FSTL5: variants seen among roughly 807,000 people sequenced by gnomAD.
FSTL5 encodes follistatin-related protein 5.
Under a neutral mutation model 89.1 loss-of-function variants are expected in FSTL5, and 62 were observed. That is an observed-to-expected ratio of 0.70 (90% CI 0.57 to 0.86). The LOEUF (loss-of-function observed/expected upper bound fraction) is 0.86. Ranked by LOEUF, FSTL5 falls within the 40% of genes least tolerant of loss-of-function variation. The probability of loss-of-function intolerance (pLI) is 0.00; values close to 1 mark genes in which losing one functional copy is unlikely to be tolerated. For synonymous variants in FSTL5, 383 were observed against 346.2 expected, an observed-to-expected ratio of 1.11 and a Z score of -1.18; for missense variants, 1,057 against 1,001.6, an observed-to-expected ratio of 1.06 and a Z score of -0.75.
At chr4:161,517,496 T>C (rs1730881972) in intron 10 of FSTL5, among the ~76,000 whole-genome samples, 1 of 152,198 alleles carries the variant, frequency 6.6e-6, no homozygotes, top group Admixed American at 6.5e-5. Context: ...AAACCTTTAC[T>C]AGTGCTTTTT....
At chr4:161,841,753 C>A (rs972719057) in intron 4 of FSTL5, among the ~76,000 whole-genome samples, 1 of 152,090 alleles carries the variant, frequency 6.6e-6, no homozygotes, top group African/African-American at 2.4e-5. Context: ...AGAAAGGTGG[C>A]CCATGTAGTA....
intron 10 of FSTL5, among the ~76,000 whole-genome samples, chr4:161,515,555 A>C (rs1233240353): frequency 1.3e-5 from 2 of 150,932 alleles, no homozygotes; most frequent in African/African-American, 4.9e-5. Flanking sequence ...CATATATGGA[A>C]ATTTATCTGA....
chr4:161,948,982 T>C (rs1012257599), intron 3 of FSTL5, among the ~76,000 whole-genome samples: 11 of 152,104 alleles, frequency 7.2e-5, no homozygotes, highest in Admixed American at 4.6e-4. Context: ...ACATTTACTC[T>C]CCTACAGCTC....
At chr4:161,537,879 G>C (rs1327601677) in intron 10 of FSTL5, among the ~76,000 whole-genome samples, 1 of 152,132 alleles carries the variant, frequency 6.6e-6, no homozygotes, top group Non-Finnish European at 1.5e-5. Context: ...GATTTTGCAA[G>C]AGATATAAAT....
At chr4:161,860,412 T>C (rs937807882) in intron 4 of FSTL5, among the ~76,000 whole-genome samples, 5 of 152,020 alleles carry the variant, frequency 3.3e-5, no homozygotes, top group African/African-American at 1.2e-4. Flanking sequence ...ATTAAGGAGG[T>C]TGGGTGTTAC....
At chr4:161,579,140 A>G (rs1299724632) in intron 8 of FSTL5, among the ~76,000 whole-genome samples, 1 of 152,220 alleles carries the variant, frequency 6.6e-6, no homozygotes, top group East Asian at 1.9e-4. Flanking sequence ...TGTGTGTTTT[A>G]TAACATACGT....
chr4:161,557,931 G>A (rs1732448843), intron 8 of FSTL5, among the ~76,000 whole-genome samples: 1 of 151,710 alleles, frequency 6.6e-6, no homozygotes, highest in African/African-American at 2.4e-5. Flanking sequence ...TCAGTCATGT[G>A]TCGCTTAAAG....
intron 3 of FSTL5, among the ~76,000 whole-genome samples, chr4:161,995,774 T>G (rs1335019766): frequency 6.6e-6 from 1 of 151,884 alleles, no homozygotes; most frequent in African/African-American, 2.4e-5. Context: ...TGAGTTTTTT[T>G]TTTTTTTTTA....
intron 4 of FSTL5, among the ~76,000 whole-genome samples, chr4:161,880,012 A>G (rs1256482983): frequency 1.3e-5 from 2 of 152,176 alleles, no homozygotes; most frequent in African/African-American, 4.8e-5. Flanking sequence ...TCATGTCAGT[A>G]GACATCTTTC....
At chr4:161,630,911 T>C (rs1015550580) in intron 7 of FSTL5, among the ~76,000 whole-genome samples, 5 of 152,240 alleles carry the variant, frequency 3.3e-5, no homozygotes, top group Non-Finnish European at 5.9e-5. Flanking sequence ...TTCTTTCTTA[T>C]AACTTTTAAC....
chr4:161,870,755 A>G (rs1468637006), intron 4 of FSTL5, among the ~76,000 whole-genome samples: 1 of 152,170 alleles, frequency 6.6e-6, no homozygotes, highest in Non-Finnish European at 1.5e-5. Flanking sequence ...CAAATGTTCA[A>G]TACACATTAA....
chr4:162,127,726 T>C (rs1732137352), intron 1 of FSTL5, among the ~76,000 whole-genome samples: 1 of 152,082 alleles, frequency 6.6e-6, no homozygotes, highest in African/African-American at 2.4e-5. Flanking sequence ...GAGACATTAC[T>C]ATGAAAATCT....
chr4:161,984,600 A>G (rs182906623), intron 3 of FSTL5, among the ~76,000 whole-genome samples: 356 of 152,106 alleles, frequency 2.3e-3, no homozygotes, highest in African/African-American at 8.3e-3. Flanking sequence ...TGCCCAGGCT[A>G]GTCTCTCTAA....
chr4:162,035,093 A>T (rs1173241242), intron 2 of FSTL5: 3 of 152,144 alleles, frequency 2.0e-5, no homozygotes, highest in Non-Finnish European at 2.9e-5. Context: ...TTTGTTAATG[A>T]GAATCTCTCT....
At chr4:161,763,601 G>A (rs1323350125) in intron 5 of FSTL5, among the ~76,000 whole-genome samples, 1 of 152,132 alleles carries the variant, frequency 6.6e-6, no homozygotes, top group Non-Finnish European at 1.5e-5. Flanking sequence ...ACTCTCTTTG[G>A]TGGAGACAGG....
intron 6 of FSTL5, among the ~76,000 whole-genome samples, chr4:161,731,634 C>G (rs1338822673): frequency 1.3e-5 from 2 of 151,956 alleles, no homozygotes; most frequent in South Asian, 4.2e-4. Context: ...CATAAATGAC[C>G]CAGTCTCAGG....
At chr4:162,013,657 T>C (rs906419361) in intron 3 of FSTL5, among the ~76,000 whole-genome samples, 1 of 152,198 alleles carries the variant, frequency 6.6e-6, no homozygotes, top group Non-Finnish European at 1.5e-5. Context: ...GTTGGGATCA[T>C]GGCACATGGC....
intron 3 of FSTL5, among the ~76,000 whole-genome samples, chr4:161,929,345 G>C (rs569764736): frequency 6.7e-6 from 1 of 150,244 alleles, no homozygotes; most frequent in African/African-American, 2.4e-5. Flanking sequence ...CCTTTCTCCA[G>C]CACCATACTG....
chr4:161,418,961 A>G (rs1314886222), intron 15 of FSTL5, among the ~76,000 whole-genome samples: 4 of 152,208 alleles, frequency 2.6e-5, no homozygotes, highest in Non-Finnish European at 2.9e-5. Context: ...CGGTTAGCCC[A>G]TCTGCAGTAC....
Sources: gnomAD v4.1 joint callset for allele counts (sites outside exome capture counted in the v4.1 genomes callset) on GRCh38, gnomAD v4.1.1 for gene constraint, MANE v1.5 for transcripts, NCBI Gene and HGNC (gene_info 2026-07-23, HGNC 2026-07-21) for gene names.